Variants in PRTG observed in about 807,000 individuals in gnomAD.
PRTG encodes protogenin, also known as immunoglobulin superfamily, DCC subclass, member 5.
A neutral mutation model predicts 122.5 loss-of-function variants in PRTG; 67 were observed. The ratio of observed to expected loss-of-function variants is 0.55; its 90% CI spans 0.45 to 0.67. The LOEUF (loss-of-function observed/expected upper bound fraction) is 0.67, where lower values mean the gene tolerates loss of function less well. Among genes scored for constraint, PRTG ranks in the 30% least tolerant of loss-of-function variants. The pLI, the probability that PRTG is intolerant of heterozygous loss-of-function variation, is 0.00. For missense variants in PRTG, 1,435 were observed against 1,415.4 expected (o/e 1.01, Z -0.22); for synonymous variants, 554 against 501.1 (o/e 1.11, Z -1.41).
intron 2 of PRTG, among the ~76,000 whole-genome samples, chr15:55,736,444 G>T (rs80329464): frequency 0.079 from 11,882 of 151,178 alleles, 520 homozygotes; most frequent in Non-Finnish European, 0.1. Context: ...ACATTTCAAA[G>T]ACTTGGTATT....
At position 55,622,544 on chromosome 15, in the gene PRTG, C is replaced by T. The variant is rs562927685; in HGVS notation, c.3094-1777G>A. On this transcript the variant is annotated intron_variant, in intron 18 of 19. Transcript: ENST00000389286. ...GACTACAGGCGCCTACTACCATGAC[C>T]GGCTAATTTTTTTTTTTTTTAAATT... Among the ~76,000 whole-genome samples the T allele has an allele frequency of 9.2e-4, 95 of 103,224 alleles. 1 individual carries two copies. Among genetic ancestry groups the T allele is most frequent in the South Asian group, 4.5e-3 (11 of 2,434 alleles). 67.7% of individuals were successfully genotyped at this position (103,224 alleles called of 152,430 possible).
chr15:55,635,840 T>C (rs542916626), intron 15 of PRTG, among the ~76,000 whole-genome samples: 1 of 152,334 alleles, frequency 6.6e-6, no homozygotes, highest in South Asian at 2.1e-4. Context: ...CCTAGTACTG[T>C]ACAGTGTATA....
At chr15:55,661,105 C>T (rs1383891264) in intron 11 of PRTG, among the ~76,000 whole-genome samples, 1 of 151,066 alleles carries the variant, frequency 6.6e-6, no homozygotes, top group Non-Finnish European at 1.5e-5. Flanking sequence ...TTTCTTCAAA[C>T]AAAAAAAAGG....
chr15:55,657,656 C>T (rs917730647), intron 11 of PRTG, among the ~76,000 whole-genome samples: 3 of 152,076 alleles, frequency 2.0e-5, no homozygotes, highest in Admixed American at 2.0e-4. Flanking sequence ...TTAAAATATC[C>T]TGTGTCCCAT....
At chr15:55,688,595 G>A (rs146095315) in intron 2 of PRTG, among the ~76,000 whole-genome samples, 2 of 152,156 alleles carry the variant, frequency 1.3e-5, no homozygotes, top group Admixed American at 6.5e-5. Flanking sequence ...CAGCACTTTG[G>A]GAGGCCAAGG....
rs562630183 is a variant in PRTG at position 55,698,451 on chromosome 15, T to A, written c.398-14520A>T. 1.6e-4 allele frequency among the ~76,000 whole-genome samples: 25 copies of A among 152,180 alleles called. No homozygotes were observed. The South Asian group carries it at 4.8e-3, about 29-fold the overall frequency. ...GACTACAGACACACACCACCACACC[T>A]GGCTAATTTTTGTGTTTGTGATAGA... On this transcript the variant is annotated intron_variant, in intron 2 of 19. Transcript: ENST00000389286.
chr15:55,689,882 T>C (rs1353694164), intron 2 of PRTG, among the ~76,000 whole-genome samples: 2 of 150,602 alleles, frequency 1.3e-5, no homozygotes, highest in South Asian at 4.2e-4. Flanking sequence ...GAGCCGAGAT[T>C]GCACCACTAC....
intron 2 of PRTG, among the ~76,000 whole-genome samples, chr15:55,717,175 A>G (rs2030631396): frequency 6.6e-6 from 1 of 152,232 alleles, no homozygotes; most frequent in Non-Finnish European, 1.5e-5. Flanking sequence ...AACACAGGTG[A>G]AATATTCTAA....
intron 2 of PRTG, among the ~76,000 whole-genome samples, chr15:55,713,865 G>T (rs556284032): frequency 6.6e-6 from 1 of 152,050 alleles, no homozygotes; most frequent in South Asian, 2.1e-4. Flanking sequence ...TACATTACTG[G>T]TTTACACTGT....
At chr15:55,692,663 T>G (rs192908884) in intron 2 of PRTG, among the ~76,000 whole-genome samples, 17 of 147,608 alleles carry the variant, frequency 1.2e-4, no homozygotes, top group Admixed American at 8.1e-4. Context: ...GATTTAAGTG[T>G]TTTTTTTTTA....
intron 2 of PRTG, among the ~76,000 whole-genome samples, chr15:55,699,170 G>T (rs530815946): frequency 6.6e-6 from 1 of 152,240 alleles, no homozygotes. Flanking sequence ...CAACTTGGAT[G>T]ATCTTAAAAC....
chr15:55,738,468 A>G (rs939339991), intron 2 of PRTG: 3 of 700,946 alleles, frequency 4.3e-6, no homozygotes, highest in African/African-American at 1.7e-5. Context: ...CTCATGGCCT[A>G]TCTGGCCACC....
intron 2 of PRTG, among the ~76,000 whole-genome samples, chr15:55,716,752 ACTG>A (rs1330411006): frequency 5.9e-5 from 9 of 152,176 alleles, no homozygotes; most frequent in African/African-American, 1.9e-4. Flanking sequence ...TCTTAACACC[ACTG>A]CTGCTAAGAT....
In PRTG at chr15:55,682,399, C is replaced by G. The variant is rs376631722; in HGVS notation, c.641G>C (p.Arg214Pro). 8 of 1,604,846 alleles carry G rather than the reference C, an allele frequency of 5.0e-6. No individual in the cohort carries two copies. The highest frequency in any genetic ancestry group is 6.8e-6 in the Non-Finnish European group (8 of 1,174,636). Residue 214 changes from arginine (R) to proline (P), a missense_variant, in exon 4 of 20, where the codon CGT becomes CCT. Physicochemically the swap from Arg to Pro is moderately radical, Grantham distance 103. Transcript: ENST00000389286. ...AGTTAGCGAGGCCTCCATACTTTTA[C>G]GTCGGTGGGCTACAGTGGCAGCAAT... ...RCIAATVAHR[R>P]KSMEASLTVI... is the part of the protein sequence containing the mutation.
intron 11 of PRTG, among the ~76,000 whole-genome samples, chr15:55,653,678 G>A (rs1008060278): frequency 4.6e-5 from 7 of 152,144 alleles, no homozygotes; most frequent in African/African-American, 1.7e-4. Flanking sequence ...TAGCCAGGCT[G>A]GTCTCGAACT....
chr15:55,682,078 T>G (rs977283207), intron 4 of PRTG, among the ~76,000 whole-genome samples: 4 of 152,188 alleles, frequency 2.6e-5, no homozygotes, highest in African/African-American at 9.7e-5. Flanking sequence ...CCATTTTCTA[T>G]GAGAGACCTG....
At chr15:55,716,166 G>C (rs993182233) in intron 2 of PRTG, among the ~76,000 whole-genome samples, 1 of 152,192 alleles carries the variant, frequency 6.6e-6, no homozygotes, top group South Asian at 2.1e-4. Flanking sequence ...CCTAGAGGCG[G>C]AAGTTGCAGT....
intron 2 of PRTG, among the ~76,000 whole-genome samples, chr15:55,700,910 C>G (rs982858327): frequency 6.6e-6 from 1 of 152,144 alleles, no homozygotes; most frequent in Non-Finnish European, 1.5e-5. Flanking sequence ...AGAATGTATA[C>G]ACAACGCTCA....
At chr15:55,711,205 A>G (rs1567110567) in intron 2 of PRTG, among the ~76,000 whole-genome samples, 1 of 151,686 alleles carries the variant, frequency 6.6e-6, no homozygotes, top group Non-Finnish European at 1.5e-5. Flanking sequence ...TACAGGCGTG[A>G]GCCACTGCGT....
Sources: gnomAD v4.1 joint callset for allele counts (sites outside exome capture counted in the v4.1 genomes callset) on GRCh38, gnomAD v4.1.1 for gene constraint, MANE v1.5 for transcripts, NCBI Gene and HGNC (gene_info 2026-07-23, HGNC 2026-07-21) for gene names.